The following KREMEN1 variants were observed in gnomAD, a reference collection of about 807,000 sequenced individuals.
KREMEN1 encodes the protein kremen protein 1.
In KREMEN1, 30 loss-of-function variants were observed where a neutral mutation model predicts 46.5. That is an observed-to-expected ratio of 0.65 (90% CI 0.48 to 0.88). The LOEUF is 0.88. KREMEN1 is among the 40% of genes least tolerant of loss of function. The pLI is 0.00. For missense variants in KREMEN1, 533 were observed against 596.9 expected (o/e 0.89, Z 1.11); for synonymous variants, 214 against 230.6 (o/e 0.93, Z 0.65).
intron 1 of KREMEN1, among the ~76,000 whole-genome samples, chr22:29,081,087 C>T (rs1388013592): frequency 6.6e-6 from 1 of 151,922 alleles, no homozygotes; most frequent in African/African-American, 2.4e-5. Flanking sequence ...GTGCTGCACC[C>T]ATTAACTTGT....
In KREMEN1 at chr22:29,073,196, C is replaced by G. The variant is rs1170162066; in HGVS notation, c.66C>G (p.Pro22=). The change falls in exon 1 of 9, where the codon CCC becomes CCG. Residue 22 remains proline, a synonymous_variant. Coordinates refer to ENST00000400335, the MANE Select transcript of KREMEN1 (RefSeq NM_001039570.3). The surrounding 1 kb of genome is among the most constrained non-coding windows in gnomAD (Gnocchi z 4.4). ...CGGCGCTCACGCTGGCGGCCCGGCC[C>G]GCGCCTAGCCCCGGCCTCGGCCCCG... ...SAAALTLAAR[P]APSPGLGPGP... is the part of the protein sequence containing the mutation. The G allele has an allele frequency of 1.9e-5, 23 of 1,192,214 alleles. No individual in the cohort carries two copies. Among genetic ancestry groups the G allele is most frequent in the Non-Finnish European group, 2.3e-5 (22 of 964,424 alleles). The allele number at this position is 1,192,214 out of a possible 1,614,324, so 73.9% of individuals were successfully genotyped here. A position where few individuals can be genotyped will look rare whatever the true frequency, so the allele number is the denominator to read the frequency against.
intron 3 of KREMEN1, among the ~76,000 whole-genome samples, chr22:29,116,330 A>T (rs1276186022): frequency 6.6e-6 from 1 of 152,202 alleles, no homozygotes; most frequent in Non-Finnish European, 1.5e-5. Context: ...GCAAGGGCAG[A>T]TGTATGTGAT....
chr22:29,088,759 G>A (rs1470495506), intron 1 of KREMEN1, among the ~76,000 whole-genome samples: 1 of 152,006 alleles, frequency 6.6e-6, no homozygotes, highest in Non-Finnish European at 1.5e-5. Context: ...TACTTTACTT[G>A]CACACGTTCC....
intron 2 of KREMEN1, among the ~76,000 whole-genome samples, chr22:29,095,052 CAGTT>C (rs2037864304): frequency 1.3e-5 from 2 of 152,178 alleles, no homozygotes; most frequent in Non-Finnish European, 2.9e-5. Context: ...GGACAATACA[CAGTT>C]AGCAGAGCAG....
At chr22:29,118,089 T>C (rs2038273654) in intron 3 of KREMEN1, among the ~76,000 whole-genome samples, 1 of 152,204 alleles carries the variant, frequency 6.6e-6, no homozygotes, top group Admixed American at 6.5e-5. Flanking sequence ...CCTCACGTAG[T>C]TGTTGGTAGG....
chr22:29,125,067 A>G (rs1189739776), intron 4 of KREMEN1, 196 bp from the exon 5 acceptor site: 1 of 599,576 alleles, frequency 1.7e-6, no homozygotes, highest in South Asian at 2.1e-5. Flanking sequence ...CGACAGGGAA[A>G]CACATTGGTG....
At chr22:29,161,954 A>G (rs1210546726) in intron 9 of KREMEN1, among the ~76,000 whole-genome samples, 1 of 151,922 alleles carries the variant, frequency 6.6e-6, no homozygotes, top group African/African-American at 2.4e-5. Context: ...CATCTCTACT[A>G]AAAATACAAA....
chr22:29,156,687 T>C lies in KREMEN1; in HGVS notation c.1417-10357T>C, dbSNP rs928617239. On this transcript the variant is annotated intron_variant, in intron 9 of 9. Transcript: ENST00000327813. ...CCAGATGAAGGGCTGTGAGCAGCCC[T>C]AGCATTCATCAAACCACTCGGGGGA... Among the ~76,000 whole-genome samples the C allele has an allele frequency of 2.3e-4, 35 of 152,320 alleles. 1 individual carries two copies. Among genetic ancestry groups the C allele is most frequent in the African/African-American group, 7.9e-4 (33 of 41,584 alleles).
intron 2 of KREMEN1, among the ~76,000 whole-genome samples, chr22:29,096,247 G>A (rs2037881026): frequency 6.6e-6 from 1 of 152,142 alleles, no homozygotes; most frequent in South Asian, 2.1e-4. Flanking sequence ...TTTTTCCATA[G>A]TTGCTTATCT....
At chr22:29,077,055 T>C (rs1474600087) in intron 1 of KREMEN1, among the ~76,000 whole-genome samples, 1 of 152,230 alleles carries the variant, frequency 6.6e-6, no homozygotes, top group Non-Finnish European at 1.5e-5. Context: ...ATAAAATATA[T>C]TGCTTTAAAT....
intron 6 of KREMEN1, 32 bp from the exon 7 acceptor site, chr22:29,138,592 C>A: frequency 6.3e-7 from 1 of 1,599,230 alleles, no homozygotes; most frequent in Non-Finnish European, 8.6e-7. Flanking sequence ...CTCCATAGCC[C>A]TGTCCCCAGT....
chr22:29,075,624 G>A (rs535537066), intron 1 of KREMEN1, among the ~76,000 whole-genome samples: 1 of 152,128 alleles, frequency 6.6e-6, no homozygotes, highest in South Asian at 2.1e-4. Flanking sequence ...CAATTTTAGG[G>A]AGATACCCCA....
intron 1 of KREMEN1, among the ~76,000 whole-genome samples, chr22:29,091,733 G>GTC (rs750736577): frequency 4.0e-5 from 6 of 151,860 alleles, no homozygotes; most frequent in South Asian, 2.1e-4. Flanking sequence ...CACACACATT[G>GTC]TCTCTCTCTC....
chr22:29,120,159 GAAGGAA>G (rs1370279291), intron 3 of KREMEN1, among the ~76,000 whole-genome samples: 8 of 115,350 alleles, frequency 6.9e-5, no homozygotes, highest in Admixed American at 1.9e-4. Flanking sequence ...GAGAGGTGAT[GAAGGAA>G]ATGGAGGAGG....
intron 9 of KREMEN1, chr22:29,166,976 C>T: frequency 1.6e-6 from 2 of 1,225,544 alleles, no homozygotes; most frequent in Admixed American, 2.0e-5. Flanking sequence ...ATGCTTCTAA[C>T]TGTTCTCTCC....
chr22:29,116,242 G>A (rs1466795055), intron 3 of KREMEN1, among the ~76,000 whole-genome samples: 2 of 152,222 alleles, frequency 1.3e-5, no homozygotes, highest in African/African-American at 4.8e-5. Context: ...AATGGAGATA[G>A]AATAGGAGGC....
intron 9 of KREMEN1, among the ~76,000 whole-genome samples, chr22:29,162,057 C>T (rs1368651248): frequency 6.6e-6 from 1 of 151,040 alleles, no homozygotes; most frequent in Admixed American, 6.6e-5. Flanking sequence ...GTGGAGGTTG[C>T]AGTGAGCCGA....
At chr22:29,136,017 G>C (rs2145841562) in intron 5 of KREMEN1, among the ~76,000 whole-genome samples, 1 of 152,106 alleles carries the variant, frequency 6.6e-6, no homozygotes, top group African/African-American at 2.4e-5. Flanking sequence ...CAGCTCCCGG[G>C]TTCAAGAAAT....
At chr22:29,126,951 T>C (rs1370627944) in intron 5 of KREMEN1, among the ~76,000 whole-genome samples, 2 of 152,234 alleles carry the variant, frequency 1.3e-5, no homozygotes, top group African/African-American at 4.8e-5. Flanking sequence ...TAATGCTTAG[T>C]TGGCAAATAA....
Sources: allele counts gnomAD v4.1 joint callset (sites outside exome capture counted in the v4.1 genomes callset), GRCh38; gene constraint gnomAD v4.1.1; non-coding constraint Gnocchi (gnomAD v3.1); transcripts MANE v1.5; gene names NCBI Gene and HGNC (gene_info 2026-07-23, HGNC 2026-07-21).